Variants in GPC5 observed in about 807,000 individuals in gnomAD.
GPC5 encodes the protein glypican-5.
A neutral mutation model predicts 53.9 loss-of-function variants in GPC5; 47 were observed. The ratio of observed to expected loss-of-function variants is 0.87; its 90% CI spans 0.69 to 1.11. GPC5 has a LOEUF of 1.11. Ranked by LOEUF, GPC5 falls within the 50% of genes most tolerant of loss-of-function variation. GPC5 has a pLI of 0.00. For missense variants in GPC5, 748 were observed against 713.1 expected, an observed-to-expected ratio of 1.05 and a Z score of -0.56; for synonymous variants, 286 against 263.3, an observed-to-expected ratio of 1.09 and a Z score of -0.84.
chr13:91,703,487 G>C (rs1384785843), intron 3 of GPC5, among the ~76,000 whole-genome samples: 3 of 152,090 alleles, frequency 2.0e-5, no homozygotes, highest in African/African-American at 7.2e-5. Flanking sequence ...TTATGTCTTT[G>C]TATATGGTGA....
intron 2 of GPC5, among the ~76,000 whole-genome samples, chr13:91,583,343 G>C (rs2032441152): frequency 6.6e-6 from 1 of 152,110 alleles, no homozygotes; most frequent in South Asian, 2.1e-4. Context: ...AGTGAATTTA[G>C]CCAAGGTTGT....
At chr13:92,437,920 T>C (rs1877380897) in intron 7 of GPC5, among the ~76,000 whole-genome samples, 1 of 152,152 alleles carries the variant, frequency 6.6e-6, no homozygotes, top group Admixed American at 6.6e-5. Flanking sequence ...TTTAAAGTGT[T>C]CACGAATTAC....
At chr13:92,788,042 A>G (rs1390715523) in intron 7 of GPC5, among the ~76,000 whole-genome samples, 1 of 152,148 alleles carries the variant, frequency 6.6e-6, no homozygotes, top group Non-Finnish European at 1.5e-5. Context: ...TTAAAAGTGC[A>G]TATCCAGTGC....
At chr13:91,743,727 T>C (rs2036987019) in intron 4 of GPC5, among the ~76,000 whole-genome samples, 1 of 152,116 alleles carries the variant, frequency 6.6e-6, no homozygotes. Flanking sequence ...TTCCTTTCCC[T>C]TTTTCATCTT....
At chr13:92,692,640 C>A (rs1336572575) in intron 7 of GPC5, among the ~76,000 whole-genome samples, 2 of 151,296 alleles carry the variant, frequency 1.3e-5, no homozygotes, top group Non-Finnish European at 2.9e-5. Flanking sequence ...TGTAACTAAC[C>A]TGCACATTGT....
At chr13:91,849,324 C>T (rs1175345785) in intron 5 of GPC5, among the ~76,000 whole-genome samples, 2 of 152,140 alleles carry the variant, frequency 1.3e-5, no homozygotes, top group African/African-American at 2.4e-5. Flanking sequence ...ATCCCAGACA[C>T]TGCTATATAG....
At chr13:91,422,366 T>C (rs1384161725) in intron 1 of GPC5, among the ~76,000 whole-genome samples, 2 of 152,184 alleles carry the variant, frequency 1.3e-5, no homozygotes, top group Non-Finnish European at 2.9e-5. Context: ...CTGGGCATGG[T>C]GGCTCATGCC....
At chr13:92,726,077 C>A (rs2139293338) in intron 7 of GPC5, among the ~76,000 whole-genome samples, 1 of 151,560 alleles carries the variant, frequency 6.6e-6, no homozygotes, top group Non-Finnish European at 1.5e-5. Flanking sequence ...CAAGCTTCAG[C>A]TGCTTCACCA....
chr13:92,830,079 C>CT (rs1049801297), intron 7 of GPC5, among the ~76,000 whole-genome samples: 119 of 152,268 alleles, frequency 7.8e-4, no homozygotes, highest in African/African-American at 2.9e-3. Flanking sequence ...GACCTCATAA[C>CT]TACCAGAGGA....
chr13:92,564,442 A>G (rs1882800783), intron 7 of GPC5, among the ~76,000 whole-genome samples: 1 of 152,088 alleles, frequency 6.6e-6, no homozygotes. Flanking sequence ...AATGCAATAT[A>G]GCTAGCCCCA....
intron 7 of GPC5, among the ~76,000 whole-genome samples, chr13:92,458,089 C>T (rs1219972259): frequency 1.3e-5 from 2 of 152,030 alleles, no homozygotes; most frequent in African/African-American, 4.8e-5. Context: ...TCCAACTTCC[C>T]TTGGAGCTTA....
chr13:92,715,300 G>A (rs1888292090), intron 7 of GPC5, among the ~76,000 whole-genome samples: 1 of 152,154 alleles, frequency 6.6e-6, no homozygotes, highest in African/African-American at 2.4e-5. Flanking sequence ...TTTATAGACT[G>A]TAAGATTGAA....
At chr13:92,552,921 TTTC>T (rs1882367521) in intron 7 of GPC5, among the ~76,000 whole-genome samples, 2 of 151,908 alleles carry the variant, frequency 1.3e-5, no homozygotes, top group African/African-American at 4.8e-5. Flanking sequence ...TGTACTTTCT[TTTC>T]TTCTCACTTT....
At chr13:92,826,352 G>A (rs537290784) in intron 7 of GPC5, among the ~76,000 whole-genome samples, 1 of 152,222 alleles carries the variant, frequency 6.6e-6, no homozygotes, top group Admixed American at 6.5e-5. Context: ...CATGAGTTCG[G>A]CAGCTGTGAG....
At chr13:92,338,938 C>T (rs1274912607) in intron 7 of GPC5, among the ~76,000 whole-genome samples, 2 of 151,942 alleles carry the variant, frequency 1.3e-5, no homozygotes, top group South Asian at 4.1e-4. Context: ...AAAAGTAGCA[C>T]TTAGTGTGTG....
intron 7 of GPC5, among the ~76,000 whole-genome samples, chr13:92,724,911 CAA>C (rs1491417749): frequency 0.079 from 11,396 of 144,142 alleles, 473 homozygotes; most frequent in Admixed American, 0.13. Context: ...CACACACACA[CAA>C]GAAAGAAAAA....
At chr13:92,108,267 G>A (rs1172656040) in intron 6 of GPC5, among the ~76,000 whole-genome samples, 10 of 152,126 alleles carry the variant, frequency 6.6e-5, no homozygotes, top group East Asian at 1.9e-4. Flanking sequence ...TAATAAAAGG[G>A]TACTTATGAA....
At chr13:91,603,251 T>TA (rs2033238889) in intron 2 of GPC5, among the ~76,000 whole-genome samples, 1 of 152,236 alleles carries the variant, frequency 6.6e-6, no homozygotes, top group Non-Finnish European at 1.5e-5. Flanking sequence ...TGTGAAATTT[T>TA]AAAGAGCTCT....
chr13:91,918,159 CAG>C (rs2039677905), intron 6 of GPC5, among the ~76,000 whole-genome samples: 1 of 152,102 alleles, frequency 6.6e-6, no homozygotes, highest in African/African-American at 2.4e-5. Flanking sequence ...TGAGTGTAAA[CAG>C]GGGAAATGTC....
Sources: allele counts gnomAD v4.1 joint callset (sites outside exome capture counted in the v4.1 genomes callset), GRCh38; gene constraint gnomAD v4.1.1; transcripts MANE v1.5; gene names NCBI Gene and HGNC (gene_info 2026-07-23, HGNC 2026-07-21).